Variants in AIG1 observed in about 807,000 individuals in gnomAD.
The protein encoded by AIG1 is androgen-induced gene 1 protein.
A neutral mutation model predicts 31.4 loss-of-function variants in AIG1; 23 were observed. The ratio of observed to expected loss-of-function variants is 0.73; its 90% CI spans 0.53 to 1.04. AIG1 has a LOEUF of 1.04. AIG1 is among the 50% of genes least tolerant of loss of function. The pLI is 0.00. For synonymous variants in AIG1, 100 were observed against 110.5 expected (o/e 0.90, Z 0.60); for missense variants, 274 against 295.0 (o/e 0.93, Z 0.52).
chr6:143,265,271 T>C (rs150428046), intron 3 of AIG1, among the ~76,000 whole-genome samples: 1 of 152,370 alleles, frequency 6.6e-6, no homozygotes, highest in East Asian at 1.9e-4. Flanking sequence ...TTGGTTGTGC[T>C]GAGCCACAGG....
intron 3 of AIG1, among the ~76,000 whole-genome samples, chr6:143,272,855 G>T (rs1796627121): frequency 6.6e-6 from 1 of 152,196 alleles, no homozygotes; most frequent in African/African-American, 2.4e-5. Flanking sequence ...TTTTGGCCAG[G>T]CGCGGTGGCT....
At chr6:143,273,569 T>C (rs561100516) in intron 3 of AIG1, among the ~76,000 whole-genome samples, 1 of 152,316 alleles carries the variant, frequency 6.6e-6, no homozygotes, top group Non-Finnish European at 1.5e-5. Flanking sequence ...GATAAAGACA[T>C]ACCTGAGACT....
chr6:143,183,197 T>A (rs1261863100), intron 3 of AIG1, among the ~76,000 whole-genome samples: 1 of 78,258 alleles, frequency 1.3e-5, no homozygotes, highest in African/African-American at 4.4e-5. Context: ...GGACAATGGC[T>A]TTTTTTTTTT....
intron 1 of AIG1, among the ~76,000 whole-genome samples, chr6:143,133,230 T>C (rs1244692624): frequency 1.3e-5 from 2 of 152,176 alleles, no homozygotes; most frequent in African/African-American, 2.4e-5. Flanking sequence ...TTTTGTTTGT[T>C]TGAGGGCTAT....
At chr6:143,072,339 C>CT (rs1315436459) in intron 1 of AIG1, among the ~76,000 whole-genome samples, 2 of 151,824 alleles carry the variant, frequency 1.3e-5, no homozygotes, top group Non-Finnish European at 2.9e-5. Flanking sequence ...ATGGGAGTTT[C>CT]TTTTTTTTAT....
intron 1 of AIG1, among the ~76,000 whole-genome samples, chr6:143,073,606 G>A (rs1391101566): frequency 6.6e-6 from 1 of 151,984 alleles, no homozygotes; most frequent in Non-Finnish European, 1.5e-5. Flanking sequence ...TAGTGGTTTT[G>A]GTTTTCATTT....
chr6:143,274,732 G>A (rs183865514), intron 3 of AIG1, among the ~76,000 whole-genome samples: 73 of 152,328 alleles, frequency 4.8e-4, no homozygotes, highest in African/African-American at 1.7e-3. Flanking sequence ...CAGTAAAAGA[G>A]CATGTTTTAG....
In AIG1 at chr6:143,285,667, A is replaced by T. The variant is rs77918481; in HGVS notation, c.515+1442A>T. 6.3e-3 allele frequency among the ~76,000 whole-genome samples: 960 copies of T among 152,016 alleles called. 8 individuals carry two copies. The highest frequency in any genetic ancestry group is 9.7e-3 in the Non-Finnish European group (661 of 67,952). On this transcript the variant is annotated intron_variant, in intron 4 of 5. Transcript: ENST00000357847. Reference sequence around the variant, plus strand: ...TCAAAAATAAACAAATAAATAAATAAGCTTCTCCCATTGGCCCCTCCATCA... The same window carrying T: ...TCAAAAATAAACAAATAAATAAATATGCTTCTCCCATTGGCCCCTCCATCA...
At chr6:143,342,437 A>G, downstream of AIG1, 3 of 760,752 alleles carry the variant, frequency 3.9e-6, no homozygotes, top group Non-Finnish European at 7.3e-6. Context: ...AACCTCGAAG[A>G]TCAGACACGG....
At chr6:143,106,331 T>C (rs970607881) in intron 1 of AIG1, among the ~76,000 whole-genome samples, 1 of 152,180 alleles carries the variant, frequency 6.6e-6, no homozygotes, top group Non-Finnish European at 1.5e-5. Flanking sequence ...CCTGCCGACA[T>C]CTTGATTTCA....
intron 4 of AIG1, among the ~76,000 whole-genome samples, chr6:143,300,207 A>G (rs1583790025): frequency 6.6e-6 from 1 of 152,344 alleles, no homozygotes; most frequent in South Asian, 2.1e-4. Context: ...ACTCCAACAC[A>G]TTGGCAGTGG....
chr6:143,263,424 C>T lies in AIG1; in HGVS notation c.400-20686C>T, dbSNP rs566686088. ...AGCCCTGCCCTGGTTCTTCATATTTCTGTGTTTTCTTGGAAACACTTTATT... is the reference window on the plus strand; with the variant it reads ...AGCCCTGCCCTGGTTCTTCATATTTTTGTGTTTTCTTGGAAACACTTTATT... On this transcript the variant is annotated intron_variant, in intron 3 of 5. Coordinates refer to ENST00000357847, the MANE Select transcript of AIG1 (RefSeq NM_016108.4). 5.9e-5 allele frequency among the ~76,000 whole-genome samples: 9 copies of T among 152,194 alleles called. No homozygotes were observed. The South Asian group carries it at 1.9e-3, about 32-fold the overall frequency.
intron 3 of AIG1, among the ~76,000 whole-genome samples, chr6:143,267,157 C>A (rs1796214671): frequency 6.6e-6 from 1 of 152,106 alleles, no homozygotes; most frequent in Admixed American, 6.5e-5. Flanking sequence ...ATGGTGCTTC[C>A]CCCAGACTGA....
intron 3 of AIG1, chr6:143,189,250 T>C (rs1416834452): frequency 4.4e-6 from 2 of 451,940 alleles, no homozygotes; most frequent in Non-Finnish European, 5.8e-6. Flanking sequence ...GGGCTCACTA[T>C]GTTTCCCAAG....
downstream of AIG1, chr6:143,342,347 C>G (rs891886161): frequency 1.3e-5 from 9 of 670,006 alleles, no homozygotes; most frequent in Non-Finnish European, 2.2e-5. Flanking sequence ...CGGTTCTAGC[C>G]CCGCCGCAGC....
intron 1 of AIG1, among the ~76,000 whole-genome samples, chr6:143,117,767 AG>A (rs780806921): frequency 5.9e-5 from 9 of 152,146 alleles, no homozygotes; most frequent in Admixed American, 1.3e-4. Context: ...CCAACGACTG[AG>A]CATTGTGGTA....
intron 3 of AIG1, among the ~76,000 whole-genome samples, chr6:143,266,109 G>A (rs1286377626): frequency 6.6e-6 from 1 of 152,176 alleles, no homozygotes; most frequent in Admixed American, 6.5e-5. Context: ...CAGCACTGTG[G>A]GAGGCCGAGG....
chr6:143,186,667 C>T (rs780956527), intron 3 of AIG1: 1 of 152,222 alleles, frequency 6.6e-6, no homozygotes. Flanking sequence ...TTTCCCACAA[C>T]AGTTTAACCT....
Position 143,340,428 on chromosome 6 carries a change from A to T in AIG1, c.*752A>T, listed in dbSNP as rs1232126790. The stretch of plus-strand genomic sequence containing the variant: ...TTCCTATAATTTTTGGATTTTAAAA[A>T]ATGTGAATCTTTTTGATAACTCCAA... On this transcript the variant is annotated 3_prime_UTR_variant, in exon 6 of 6. Coordinates refer to ENST00000357847, the MANE Select transcript of AIG1 (RefSeq NM_016108.4). 1 of 151,752 alleles carries T rather than the reference A, an allele frequency of 6.6e-6. No individual in the cohort carries two copies. The highest frequency in any genetic ancestry group is 1.5e-5 in the Non-Finnish European group (1 of 68,040). The allele number at this position is 151,752 out of a possible 1,614,324, so 9.4% of individuals were successfully genotyped here.
Sources: gnomAD v4.1 joint callset for allele counts (sites outside exome capture counted in the v4.1 genomes callset) on GRCh38, gnomAD v4.1.1 for gene constraint, MANE v1.5 for transcripts, NCBI Gene and HGNC (gene_info 2026-07-23, HGNC 2026-07-21) for gene names.